The following PDK3 variants were observed in gnomAD, a reference collection of about 807,000 sequenced individuals.
PDK3 encodes the protein pyruvate dehydrogenase kinase, isozyme 3.
PDK3 carries 12 observed loss-of-function variants against 32.0 expected under a neutral mutation model. The observed-to-expected ratio is 0.37, with a 90% CI of 0.24 to 0.61. The LOEUF (loss-of-function observed/expected upper bound fraction) is 0.61, where lower values mean the gene tolerates loss of function less well. Among genes scored for constraint, PDK3 ranks in the 20% least tolerant of loss-of-function variants. PDK3 has a pLI of 0.65. For missense variants in PDK3, 188 were observed against 316.9 expected (o/e 0.59, Z 3.09); for synonymous variants, 122 against 116.3 (o/e 1.05, Z -0.31).
rs1602133064 is a variant in PDK3, at chrX:24,541,629, C to T, written c.*2465C>T. On this transcript the variant is annotated 3_prime_UTR_variant, in exon 12 of 12. Coordinates refer to the PDK3 transcript ENST00000568479. ...TCTTCATTAAGAATTTATCTTTAACCCTAAAGCAACTGCAAGAAGAGTTTC... is the reference window on the plus strand; with the variant it reads ...TCTTCATTAAGAATTTATCTTTAACTCTAAAGCAACTGCAAGAAGAGTTTC... 1.8e-5 allele frequency among the ~76,000 whole-genome samples: 2 copies of T among 112,467 alleles called. 1 individual carries two copies.
intron 1 of PDK3, among the ~76,000 whole-genome samples, chrX:24,476,600 C>T (rs1214757426): frequency 9.0e-6 from 1 of 111,339 alleles, no homozygotes; most frequent in African/African-American, 3.3e-5. Context: ...CCCTCCCCAC[C>T]CCCAAACACA....
At chrX:24,499,453 G>A (rs1921799034) in intron 3 of PDK3, among the ~76,000 whole-genome samples, 1 of 111,334 alleles carries the variant, frequency 9.0e-6, no homozygotes, top group Admixed American at 9.6e-5. Context: ...CTAGCTGTGA[G>A]TATGTTTTCC....
In PDK3 at chrX:24,483,555, T is replaced by A. The variant is rs1011088988; in HGVS notation, c.107-11187T>A. The stretch of plus-strand genomic sequence containing the variant: ...TGGCTCTTCTCATGATTTTAAGGAT[T>A]GAATACCCTTAAACAAATATATAGA... On this transcript the variant is annotated intron_variant, in intron 1 of 10. Transcript: ENST00000379162. Among the ~76,000 whole-genome samples, 38 of 112,274 alleles carry A rather than the reference T, an allele frequency of 3.4e-4. 2 individuals are homozygous for A. The highest frequency in any genetic ancestry group is 6.2e-4 in the Non-Finnish European group (33 of 53,301).
intron 5 of PDK3, among the ~76,000 whole-genome samples, chrX:24,506,874 G>A (rs1429977142): frequency 2.2e-5 from 2 of 90,149 alleles, no homozygotes; most frequent in East Asian, 3.8e-4. Flanking sequence ...GCAGTGGTAC[G>A]ATCTCAGCTC....
chrX:24,497,001 C>G (rs138885217), intron 2 of PDK3, among the ~76,000 whole-genome samples: 2 of 107,787 alleles, frequency 1.9e-5, no homozygotes, highest in Non-Finnish European at 3.8e-5. Flanking sequence ...AGGTTGGTCT[C>G]GATCTCCTGA....
In PDK3 at chrX:24,518,950, A is replaced by G. The variant is rs1228681568; in HGVS notation, c.613A>G (p.Lys205Glu). The change falls in exon 6 of 11, where the codon AAG becomes GAG. Residue 205 changes from lysine (K) to glutamate (E), a missense_variant. Physicochemically the swap from Lys to Glu is moderately conservative, Grantham distance 56. Transcript: ENST00000379162. ...DVVKDAYETAKMLCEQYYLVA... is the reference protein window; with the variant it reads ...DVVKDAYETAEMLCEQYYLVA... The stretch of plus-strand genomic sequence containing the variant: ...TCTTGCAGATGCATATGAAACAGCC[A>G]AGATGCTGTGTGAACAGTATTACCT... 1 of 1,197,875 alleles carries G rather than the reference A, an allele frequency of 8.3e-7. No homozygotes were observed. The highest frequency in any genetic ancestry group is 1.1e-6 in the Non-Finnish European group (1 of 887,383).
At chrX:24,492,997 CAAA>C (rs201054747) in intron 1 of PDK3, among the ~76,000 whole-genome samples, 4 of 72,352 alleles carry the variant, frequency 5.5e-5, no homozygotes, top group Non-Finnish European at 2.7e-5. Flanking sequence ...AACACTCCGT[CAAA>C]AAAAAAAAAA....
intron 1 of PDK3, among the ~76,000 whole-genome samples, chrX:24,477,859 A>G (rs1921149523): frequency 8.9e-6 from 1 of 111,871 alleles, no homozygotes; most frequent in Admixed American, 9.5e-5. Context: ...ATCATATGCT[A>G]AGCTCTCAGA....
intron 6 of PDK3, among the ~76,000 whole-genome samples, chrX:24,522,632 GCAATGGCT>G (rs762546580): frequency 3.6e-5 from 4 of 111,175 alleles, no homozygotes; most frequent in Non-Finnish European, 7.5e-5. Flanking sequence ...GGAGCCAGGC[GCAATGGCT>G]CACACCTGTA....
chrX:24,465,448 G>C lies in PDK3; in HGVS notation c.-8G>C. On this transcript the variant is annotated 5_prime_UTR_variant, in exon 1 of 11. Coordinates refer to ENST00000379162, the MANE Select transcript of PDK3 (RefSeq NM_005391.5). ...GTCTAGGCGGGTCTGTGCGCCGCCC[G>C]GGCGAGGATGCGGCTGTTCCGGTGG... The C allele has an allele frequency of 8.4e-7, 1 of 1,194,204 alleles. No homozygotes were observed. The highest frequency in any genetic ancestry group is 1.1e-6 in the Non-Finnish European group (1 of 882,706).
At chrX:24,531,051 G>GTGTGTA (rs1555950807) in intron 9 of PDK3, among the ~76,000 whole-genome samples, 2 of 103,370 alleles carry the variant, frequency 1.9e-5, no homozygotes, top group African/African-American at 7.0e-5. Flanking sequence ...ATGTGCTTTT[G>GTGTGTA]TGTGTGTGTG....
intron 1 of PDK3, among the ~76,000 whole-genome samples, chrX:24,470,619 G>A (rs1424355691): frequency 9.6e-6 from 1 of 104,026 alleles, no homozygotes; most frequent in Non-Finnish European, 2.0e-5. Flanking sequence ...CCCAGGAGGC[G>A]GAGGTTGCAG....
At chrX:24,499,017 T>G in intron 3 of PDK3, 117 bp downstream of exon 3, 3 of 392,295 alleles carry the variant, frequency 7.6e-6, no homozygotes, top group Non-Finnish European at 1.3e-5. Flanking sequence ...GCGTTCATTT[T>G]CTTAATGAGT....
intron 3 of PDK3, among the ~76,000 whole-genome samples, chrX:24,501,181 C>T (rs758186574): frequency 2.7e-5 from 3 of 111,816 alleles, no homozygotes; most frequent in Non-Finnish European, 3.8e-5. Context: ...ACCACTATTA[C>T]TATTTTCCTT....
intron 9 of PDK3, among the ~76,000 whole-genome samples, chrX:24,531,049 TTGTGTGTGTGTG>T (rs760426568): frequency 7.1e-5 from 7 of 98,171 alleles, no homozygotes; most frequent in Non-Finnish European, 1.2e-4. Context: ...GAATGTGCTT[TTGTGTGTGTGTG>T]TGTGTGTGTG....
chrX:24,496,568 C>CTTTTTTTTTTTTTTTTTTT lies in PDK3; in HGVS notation c.248+1690_248+1708dup, dbSNP rs763095558. ...CTAATTGTCCTGATACTACCCCCAT[C>CTTTTTTTTTTTTTTTTTTT]TTTTTTTTTTTTTTTTTTTTTTTGC... On this transcript the variant is annotated intron_variant, in intron 2 of 10. Coordinates refer to ENST00000379162, the MANE Select transcript of PDK3 (RefSeq NM_005391.5). 7.5e-3 allele frequency among the ~76,000 whole-genome samples: 295 copies of CTTTTTTTTTTTTTTTTTTT among 39,283 alleles called. 21 individuals are homozygous for CTTTTTTTTTTTTTTTTTTT. Among genetic ancestry groups the CTTTTTTTTTTTTTTTTTTT allele is most frequent in the Middle Eastern group, 0.02 (1 of 50 alleles). The allele number at this position is 39,283 out of a possible 115,157, so 34.1% of individuals were successfully genotyped here.
chrX:24,500,431 G>A (rs923743491), intron 3 of PDK3, among the ~76,000 whole-genome samples: 2 of 111,564 alleles, frequency 1.8e-5, no homozygotes, highest in African/African-American at 6.5e-5. Flanking sequence ...ACTGAGAGAC[G>A]ACTATACACG....
At chrX:24,527,851 A>G (rs1922560803) in intron 8 of PDK3, among the ~76,000 whole-genome samples, 176 bp downstream of exon 8, 1 of 111,897 alleles carries the variant, frequency 8.9e-6, no homozygotes, top group Non-Finnish European at 1.9e-5. Flanking sequence ...CTTGTTATTC[A>G]GGGAGTTGAA....
downstream of PDK3, among the ~76,000 whole-genome samples, chrX:24,537,282 ATTTTT>A (rs1167543267): frequency 3.0e-5 from 2 of 65,682 alleles, no homozygotes; most frequent in Admixed American, 1.9e-4. Context: ...ACGCCTGGCT[ATTTTT>A]TTTTTTTTTT....
Sources: gnomAD v4.1 joint callset for allele counts (sites outside exome capture counted in the v4.1 genomes callset) on GRCh38, gnomAD v4.1.1 for gene constraint, MANE v1.5 for transcripts, NCBI Gene and HGNC (gene_info 2026-07-23, HGNC 2026-07-21) for gene names.